The following ATXN8OS variants were observed in gnomAD, a reference collection of about 807,000 sequenced individuals.
ATXN8OS encodes the protein ATXN8 opposite strand lncRNA.
chr13:70,138,952 G>C (rs566695011), intron 3 of ATXN8OS, among the ~76,000 whole-genome samples: 3 of 152,064 alleles, frequency 2.0e-5, no homozygotes, highest in African/African-American at 7.2e-5. Flanking sequence ...CAGCCTTACT[G>C]TTTTTCTCAT....
intron 3 of ATXN8OS, among the ~76,000 whole-genome samples, chr13:70,141,762 T>C (rs568075774): frequency 3.7e-4 from 56 of 151,962 alleles, no homozygotes; most frequent in Non-Finnish European, 7.2e-4. Context: ...ATTCTATTTA[T>C]AAGGAATACT....
At chr13:70,149,935 A>G (rs1314149301) in intron 4 of ATXN8OS, among the ~76,000 whole-genome samples, 1 of 152,146 alleles carries the variant, frequency 6.6e-6, no homozygotes, top group African/African-American at 2.4e-5. Flanking sequence ...ATGAAGGCAG[A>G]GAGGAAGTGA....
chr13:70,107,926 G>A (rs746592989), exon 1 of ATXN8OS: 8 of 497,338 alleles, frequency 1.6e-5, no homozygotes, highest in African/African-American at 5.8e-5. Flanking sequence ...GGACCTGGGC[G>A]TGGGGACACC....
intron 2 of ATXN8OS, among the ~76,000 whole-genome samples, chr13:70,122,382 C>T (rs1428418604): frequency 3.3e-5 from 5 of 151,846 alleles, no homozygotes; most frequent in Non-Finnish European, 5.9e-5. Flanking sequence ...TTTTGTCTTA[C>T]GATTTAACTT....
chr13:70,114,778 T>A (rs1435035329), intron 1 of ATXN8OS, among the ~76,000 whole-genome samples: 1 of 152,178 alleles, frequency 6.6e-6, no homozygotes, highest in African/African-American at 2.4e-5. Flanking sequence ...TAGGTAGGCA[T>A]TATAAAACAG....
At chr13:70,164,017 T>A (rs886522398) in intron 4 of ATXN8OS, among the ~76,000 whole-genome samples, 1 of 149,324 alleles carries the variant, frequency 6.7e-6, no homozygotes, top group Non-Finnish European at 1.5e-5. Context: ...CAGTTTTTAT[T>A]TTTTTTCTCC....
intron 3 of ATXN8OS, among the ~76,000 whole-genome samples, chr13:70,134,949 G>T (rs1404084872): frequency 6.6e-6 from 1 of 152,178 alleles, no homozygotes; most frequent in Non-Finnish European, 1.5e-5. Flanking sequence ...GCCCAGCACA[G>T]GCTGTGTGGA....
intron 1 of ATXN8OS, among the ~76,000 whole-genome samples, chr13:70,109,857 T>C (rs1294342216): frequency 2.6e-5 from 4 of 152,172 alleles, no homozygotes; most frequent in Non-Finnish European, 4.4e-5. Context: ...TCAGAAATAA[T>C]GTTGAAAGTT....
chr13:70,129,980 T>A (rs1338514812), intron 3 of ATXN8OS: 1 of 395,984 alleles, frequency 2.5e-6, no homozygotes, highest in Admixed American at 4.4e-5. Context: ...ATCAACTACA[T>A]GTTAGTCAAT....
chr13:70,158,287 C>T (rs1203953950), intron 4 of ATXN8OS, among the ~76,000 whole-genome samples: 8 of 151,942 alleles, frequency 5.3e-5, no homozygotes, highest in Non-Finnish European at 1.2e-4. Context: ...GCGTGGTGGC[C>T]CTTGCCTGTA....
chr13:70,151,842 G>A (rs1027817645), intron 4 of ATXN8OS, among the ~76,000 whole-genome samples: 10 of 152,194 alleles, frequency 6.6e-5, no homozygotes, highest in South Asian at 6.2e-4. Flanking sequence ...AACTCTAGGC[G>A]TGGTGATCAC....
chr13:70,150,957 T>G (rs567472338), intron 4 of ATXN8OS, among the ~76,000 whole-genome samples: 12 of 152,148 alleles, frequency 7.9e-5, no homozygotes, highest in African/African-American at 2.2e-4. Flanking sequence ...TGGCACTATA[T>G]TTTTTTAAAA....
At chr13:70,167,435 T>C (rs1042497367) in intron 4 of ATXN8OS, among the ~76,000 whole-genome samples, 3 of 151,910 alleles carry the variant, frequency 2.0e-5, no homozygotes, top group African/African-American at 7.3e-5. Flanking sequence ...CCACATGTTC[T>C]CACTCATAGG....
At chr13:70,139,383 A>ACTACTGCTG in intron 3 of ATXN8OS, 1,047 of 458,120 alleles carry the variant, frequency 2.3e-3, no homozygotes, top group African/African-American at 3.1e-3. Flanking sequence ...TACTACTACT[A>ACTACTGCTG]CTGCTGCTGC....
chr13:70,132,352 ATTATC>A (rs1888546300), intron 3 of ATXN8OS, among the ~76,000 whole-genome samples: 2 of 149,522 alleles, frequency 1.3e-5, no homozygotes, highest in Admixed American at 1.3e-4. Flanking sequence ...GCTGGAGGCC[ATTATC>A]CTAAGTGAAA....
rs143087709 is a variant in ATXN8OS, at chr13:70,158,922, C to T, written n.574-10831C>T. On this transcript the variant is annotated intron_variant and non_coding_transcript_variant, in intron 4 of 4. Coordinates refer to ENST00000678624, the Ensembl canonical transcript of ATXN8OS. ...GTGTTATAGGACTGCTCTTAAGAGC[C>T]GAAGCCTTTAATTTATGAAAGGGAG... Among the ~76,000 whole-genome samples the T allele has an allele frequency of 3.8e-3, 581 of 151,864 alleles. 2 individuals carry two copies. Among genetic ancestry groups the T allele is most frequent in the African/African-American group, 0.012 (481 of 41,408 alleles).
chr13:70,108,932 T>G (rs1295236003), intron 1 of ATXN8OS, among the ~76,000 whole-genome samples: 7 of 152,186 alleles, frequency 4.6e-5, no homozygotes, highest in Admixed American at 4.6e-4. Context: ...GCTTCACTCC[T>G]GGGGCCAGAG....
intron 2 of ATXN8OS, among the ~76,000 whole-genome samples, chr13:70,129,142 G>A (rs1487748134): frequency 1.3e-5 from 2 of 152,076 alleles, no homozygotes; most frequent in Non-Finnish European, 2.9e-5. Flanking sequence ...GTACAGGCGT[G>A]AGCCACCATG....
chr13:70,139,389 GCT>G lies in ATXN8OS; in HGVS notation n.500-7965_500-7964del, dbSNP rs1340799857. ...TACTACTACTACTACTACTACTGCT[GCT>G]GCTGCTGCTGCTGCTGCTGCTGCTG... On this transcript the variant is annotated intron_variant and non_coding_transcript_variant, in intron 3 of 4. Transcript: ENST00000678624. 8.7e-3 allele frequency: 2,912 copies of G among 334,218 alleles called. 96 individuals are homozygous for G. Among genetic ancestry groups the G allele is most frequent in the Middle Eastern group, 0.012 (14 of 1,176 alleles). 20.7% of individuals were successfully genotyped at this position (334,218 alleles called of 1,614,324 possible).
Sources: gnomAD v4.1 joint callset for allele counts (sites outside exome capture counted in the v4.1 genomes callset) on GRCh38, gnomAD v4.1.1 for gene constraint, MANE v1.5 for transcripts, NCBI Gene and HGNC (gene_info 2026-07-23, HGNC 2026-07-21) for gene names.